LRRC43: variants seen among roughly 807,000 people sequenced by gnomAD.
LRRC43 encodes the protein leucine rich repeat containing 43.
LRRC43 carries 62 observed loss-of-function variants against 64.3 expected under a neutral mutation model. That is an observed-to-expected ratio of 0.96 (90% CI 0.79 to 1.19). LRRC43 has a LOEUF of 1.19. Among genes scored for constraint, LRRC43 ranks in the 50% most tolerant of loss-of-function variants. The pLI is 0.00. For synonymous variants in LRRC43, 422 were observed against 382.3 expected, an observed-to-expected ratio of 1.10 and a Z score of -1.21; for missense variants, 868 against 845.0, an observed-to-expected ratio of 1.03 and a Z score of -0.34.
intron 1 of LRRC43, chr12:122,172,125 C>G (rs1473617277): frequency 3.4e-6 from 1 of 293,662 alleles, no homozygotes; most frequent in Non-Finnish European, 6.4e-6. Flanking sequence ...AATAAATTAA[C>G]ATAGCTGCCA....
rs770672066 is a variant in LRRC43, at chr12:122,200,354, G to A, written c.1491+24G>A. The A allele has an allele frequency of 1.7e-5, 27 of 1,608,390 alleles. No individual in the cohort carries two copies. The highest frequency in any genetic ancestry group is 7.7e-5 in the South Asian group (7 of 90,878). On this transcript the variant is annotated intron_variant, in intron 8 of 11. Transcript: ENST00000339777. The surrounding 1 kb of genome is among the most constrained non-coding windows in gnomAD (Gnocchi z 4.6). ...AGGTGGGCAGGCGGAGGCAGTGCCC[G>A]GCCATCCACAGGCTGCACTTCTGTC...
intron 7 of LRRC43, among the ~76,000 whole-genome samples, chr12:122,194,587 A>AAAAG (rs1255272866): frequency 2.0e-5 from 3 of 151,198 alleles, no homozygotes; most frequent in Non-Finnish European, 4.4e-5. Flanking sequence ...AAAAGAAAAG[A>AAAAG]AAAGAAAAAA....
rs1953617638 is a variant in LRRC43, at chr12:122,184,520, A to G, written c.152A>G (p.Asn51Ser). ...REFPCGAGSW[N>S]KSRFLPQTWR... Reference sequence around the variant, plus strand: ...AAAATCCCTCCTCTGCCACTGCAGAATAAGTCGCGCTTTCTTCCTCAAACT... The same window carrying G: ...AAAATCCCTCCTCTGCCACTGCAGAGTAAGTCGCGCTTTCTTCCTCAAACT... Residue 51 changes from asparagine to serine, a missense_variant and splice_region_variant, in exon 2 of 12, where the codon AAT becomes AGT. Transcript: ENST00000339777. This position sits in a 1 kb window ranked among gnomAD's most constrained non-coding sequence, Gnocchi z 4.0. 1 of 1,612,922 alleles carries G rather than the reference A, an allele frequency of 6.2e-7. No homozygotes were observed.
chr12:122,172,317 T>G (rs1321541132), intron 1 of LRRC43: 1 of 885,792 alleles, frequency 1.1e-6, no homozygotes, highest in African/African-American at 1.7e-5. Flanking sequence ...TGGAAAAATG[T>G]ACTTAAGGAA....
chr12:122,193,692 T>C (rs905917733), intron 7 of LRRC43, among the ~76,000 whole-genome samples: 2 of 152,138 alleles, frequency 1.3e-5, no homozygotes, highest in Non-Finnish European at 1.5e-5. Flanking sequence ...AGCCTACAGT[T>C]GGGACTACAG....
At chr12:122,175,735 C>T (rs1335916084) in intron 1 of LRRC43, among the ~76,000 whole-genome samples, 6 of 151,746 alleles carry the variant, frequency 4.0e-5, no homozygotes, top group Admixed American at 1.3e-4. Context: ...AGCACGATCT[C>T]GGCTCACTGC....
chr12:122,168,623 A>G (rs1953460088), intron 1 of LRRC43, among the ~76,000 whole-genome samples: 1 of 152,178 alleles, frequency 6.6e-6, no homozygotes, highest in Non-Finnish European at 1.5e-5. Context: ...GAAAATTTAT[A>G]GACAGTACAG....
At chr12:122,195,455 G>C (rs1953765439) in intron 7 of LRRC43, among the ~76,000 whole-genome samples, 1 of 152,018 alleles carries the variant, frequency 6.6e-6, no homozygotes, top group Non-Finnish European at 1.5e-5. Flanking sequence ...TGGCCAGGCT[G>C]GTCTTGAACT....
rs1297433511 is a variant in LRRC43, at chr12:122,193,005, G to A, written c.1349+1G>A. 4 of 1,613,216 alleles carry A rather than the reference G, an allele frequency of 2.5e-6. No homozygotes were observed. In the South Asian group the frequency reaches 4.4e-5, roughly 18 times the overall value. On this transcript the variant is annotated splice_donor_variant, in intron 7 of 11. Coordinates refer to ENST00000339777, the MANE Select transcript of LRRC43 (RefSeq NM_001098519.2). LOFTEE classifies it high-confidence loss of function. The stretch of plus-strand genomic sequence containing the variant: ...ATCCCCGGCTCTGCCCGTCCCCAGG[G>A]TAAGGATGGAAATCTGAACCAGGGC...
chr12:122,172,452 A>G, intron 1 of LRRC43: 1 of 1,614,142 alleles, frequency 6.2e-7, no homozygotes, highest in Middle Eastern at 1.6e-4. Flanking sequence ...CAATGATTTT[A>G]GTGCGAGGTC....
Position 122,199,096 on chromosome 12 carries a change from C to T in LRRC43, c.1350-1093C>T, listed in dbSNP as rs1953804403. ...AGGTTCAACGTTCAACTTGGACATACTTTAAATTTGTTGGAGTATATTATT... is the reference window on the plus strand; with the variant it reads ...AGGTTCAACGTTCAACTTGGACATATTTTAAATTTGTTGGAGTATATTATT... On this transcript the variant is annotated intron_variant, in intron 7 of 11. Coordinates refer to ENST00000339777, the MANE Select transcript of LRRC43 (RefSeq NM_001098519.2). 2.0e-5 allele frequency among the ~76,000 whole-genome samples: 3 copies of T among 149,120 alleles called. No homozygotes were observed. In the South Asian group the frequency reaches 6.4e-4, roughly 32 times the overall value.
chr12:122,199,436 C>A (rs1176834869), intron 7 of LRRC43, among the ~76,000 whole-genome samples: 1 of 152,002 alleles, frequency 6.6e-6, no homozygotes, highest in Non-Finnish European at 1.5e-5. Flanking sequence ...GCACATGCCA[C>A]CACGCCTGGC....
chr12:122,190,170 A>G lies in LRRC43; in HGVS notation c.703A>G (p.Thr235Ala). The stretch of plus-strand genomic sequence containing the variant: ...CCTGGACCTGGGCTTCAACGACCTG[A>G]CAGACCTGCAGAGCATGGTCACCAG... The part of the protein sequence containing the change: ...VSLDLGFNDL[T>A]DLQSMVTSLR... The change falls in exon 5 of 12, where the codon ACA (threonine) becomes GCA (alanine). Residue 235 changes from threonine (T) to alanine (A), a missense_variant. By Grantham distance (58) the Thr-to-Ala change is moderately conservative (BLOSUM62 0). Transcript: ENST00000339777. The G allele has an allele frequency of 6.2e-7, 1 of 1,614,084 alleles. No individual in the cohort carries two copies. The highest frequency in any genetic ancestry group is 8.5e-7 in the Non-Finnish European group (1 of 1,180,014).
chr12:122,189,089 C>T (rs966921190), intron 4 of LRRC43, among the ~76,000 whole-genome samples: 3 of 152,122 alleles, frequency 2.0e-5, no homozygotes, highest in Non-Finnish European at 2.9e-5. Flanking sequence ...TTGATCTCCT[C>T]AGTGGGTGAG....
upstream of LRRC43, among the ~76,000 whole-genome samples, chr12:122,178,581 T>G (rs565859230): frequency 1.7e-5 from 2 of 117,818 alleles, no homozygotes; most frequent in African/African-American, 3.4e-5. Flanking sequence ...GAGGTGGCTT[T>G]CTTTTTTTTT....
upstream of LRRC43, chr12:122,182,976 C>G (rs1423556410): frequency 8.8e-7 from 1 of 1,130,078 alleles, no homozygotes; most frequent in Non-Finnish European, 1.2e-6. Context: ...GAACCACCAG[C>G]TGTTATCCCA....
At chr12:122,195,006 G>A (rs967391879) in intron 7 of LRRC43, among the ~76,000 whole-genome samples, 4 of 151,966 alleles carry the variant, frequency 2.6e-5, no homozygotes, top group African/African-American at 9.7e-5. Flanking sequence ...TTTTTTATGT[G>A]AATTTGAATT....
At chr12:122,201,745 G>A (rs143645169) in intron 11 of LRRC43, among the ~76,000 whole-genome samples, 121 of 152,320 alleles carry the variant, frequency 7.9e-4, no homozygotes, top group African/African-American at 2.7e-3. Context: ...CAACCAACTG[G>A]GAGGGAGAGA....
intron 5 of LRRC43, 120 bp from the exon 6 acceptor site, chr12:122,191,260 C>G (rs1466442621): frequency 3.7e-6 from 3 of 821,586 alleles, no homozygotes; most frequent in African/African-American, 1.7e-5. Flanking sequence ...ACCGCCCCAC[C>G]AAGGCTCAGC....
Sources: gnomAD v4.1 joint callset for allele counts (sites outside exome capture counted in the v4.1 genomes callset) on GRCh38, gnomAD v4.1.1 for gene constraint, Gnocchi (gnomAD v3.1) non-coding constraint, MANE v1.5 for transcripts, NCBI Gene and HGNC (gene_info 2026-07-23, HGNC 2026-07-21) for gene names.